The following FRAS1 variants were observed in gnomAD, a reference collection of about 807,000 sequenced individuals.
The protein encoded by FRAS1 is extracellular matrix organizing protein FRAS1.
Under a neutral mutation model 435.2 loss-of-function variants are expected in FRAS1, and 290 were observed. The observed-to-expected ratio is 0.67, with a 90% CI of 0.61 to 0.73. FRAS1 has a LOEUF of 0.73. FRAS1 is among the 30% of genes least tolerant of loss of function. The probability of loss-of-function intolerance (pLI) is 0.00; values close to 1 mark genes in which losing one functional copy is unlikely to be tolerated. For synonymous variants in FRAS1, 1,800 were observed against 1,851.0 expected, an observed-to-expected ratio of 0.97 and a Z score of 0.71; for missense variants, 4,860 against 5,001.5, an observed-to-expected ratio of 0.97 and a Z score of 0.85.
chr4:78,203,561 A>AT (rs925754692), intron 2 of FRAS1, among the ~76,000 whole-genome samples: 1 of 147,940 alleles, frequency 6.8e-6, no homozygotes, highest in Non-Finnish European at 1.5e-5. Context: ...ATTTTATTTT[A>AT]TTTTTTTATT....
In FRAS1 at chr4:78,487,914, C is replaced by T. The variant is rs147285483; in HGVS notation, c.8753-961C>T. ...GATGGAAATTCAGGTCTGTTTCCTCCTAAGTCCTTGTTTTTAACCATGATT... is the reference window on the plus strand; with the variant it reads ...GATGGAAATTCAGGTCTGTTTCCTCTTAAGTCCTTGTTTTTAACCATGATT... On this transcript the variant is annotated intron_variant, in intron 58 of 73. Coordinates refer to ENST00000512123, the MANE Select transcript of FRAS1 (RefSeq NM_025074.7). 9.6e-3 allele frequency among the ~76,000 whole-genome samples: 1,469 copies of T among 152,298 alleles called. 10 individuals carry two copies. The highest frequency in any genetic ancestry group is 0.013 in the Non-Finnish European group (851 of 68,018).
intron 4 of FRAS1, among the ~76,000 whole-genome samples, chr4:78,249,836 T>G (rs1578206508): frequency 1.3e-5 from 2 of 152,278 alleles, no homozygotes; most frequent in Admixed American, 1.3e-4. Context: ...CTGGTCTCTG[T>G]CTGAAAGGTA....
chr4:78,080,449 A>G (rs1447936745), intron 2 of FRAS1, among the ~76,000 whole-genome samples: 1 of 152,038 alleles, frequency 6.6e-6, no homozygotes, highest in African/African-American at 2.4e-5. Context: ...ACTTAAAATC[A>G]TTTTTTTCTA....
intron 4 of FRAS1, among the ~76,000 whole-genome samples, chr4:78,250,259 G>A (rs1433775160): frequency 6.6e-6 from 1 of 152,118 alleles, no homozygotes; most frequent in East Asian, 1.9e-4. Context: ...TTCAGTTTTG[G>A]TGGAGGGGTT....
At chr4:78,445,438 A>T in intron 41 of FRAS1, 84 bp from the exon 42 acceptor site, 2 of 1,431,622 alleles carry the variant, frequency 1.4e-6, no homozygotes, top group Non-Finnish European at 1.8e-6. Flanking sequence ...TTTTTTGCCG[A>T]AAATGATACC....
chr4:78,400,864 T>TTACACAAGAC lies in FRAS1; in HGVS notation c.4110_4119dup (p.Pro1374ThrfsTer23), dbSNP rs1732862259. ...AGTGCTGAAGAAATCATCTACAAGA[T>TTACACAAGAC]TACACAAGACTACCCCCAGTTTGGT... On this transcript the variant is annotated frameshift_variant, in exon 30 of 74. Transcript: ENST00000512123. LOFTEE classifies it high-confidence loss of function. The TTACACAAGAC allele has an allele frequency of 6.2e-7, 1 of 1,613,694 alleles. No homozygotes were observed. Among genetic ancestry groups the TTACACAAGAC allele is most frequent in the East Asian group, 2.2e-5 (1 of 44,868 alleles).
rs141228895 is a variant in FRAS1, at chr4:78,137,711, G to GGT, written c.108+71707_108+71708dup. Among the ~76,000 whole-genome samples, 539 of 151,944 alleles carry GGT rather than the reference G, an allele frequency of 3.5e-3. 6 individuals carry two copies. Among genetic ancestry groups the GGT allele is most frequent in the African/African-American group, 0.013 (523 of 41,454 alleles). ...AGATGAATTTGAGCATCTGAATTTG[G>GGT]GTGTGTGTGTGTGGCAATGTGAGTC... On this transcript the variant is annotated intron_variant, in intron 2 of 73. Coordinates refer to ENST00000512123, the MANE Select transcript of FRAS1 (RefSeq NM_025074.7).
intron 2 of FRAS1, among the ~76,000 whole-genome samples, chr4:78,164,709 T>C (rs989333314): frequency 1.1e-4 from 17 of 152,192 alleles, no homozygotes; most frequent in African/African-American, 4.1e-4. Flanking sequence ...TTAGTTAATA[T>C]CTTTTTCCTT....
chr4:78,363,973 A>G lies in FRAS1; in HGVS notation c.2641A>G (p.Asn881Asp), dbSNP rs1300209785. The G allele has an allele frequency of 6.2e-7, 1 of 1,612,856 alleles. No individual in the cohort carries two copies. The highest frequency in any genetic ancestry group is 1.1e-5 in the South Asian group (1 of 90,674). Residue 881 changes from asparagine to aspartate, a missense_variant, in exon 22 of 74, where the codon AAC (asparagine) becomes GAC (aspartate). Transcript: ENST00000512123. Reference sequence around the variant, plus strand: ...TTTCTCCTGCTCCTCATGTGACACCAACCTCGTGCTGTCCCACACTGGCAC... The same window carrying G: ...TTTCTCCTGCTCCTCATGTGACACCGACCTCGTGCTGTCCCACACTGGCAC... ...GPFSCSSCDTNLVLSHTGTCS... is the reference protein window; with the variant it reads ...GPFSCSSCDTDLVLSHTGTCS...
chr4:78,059,212 G>C (rs961220366), intron 1 of FRAS1, among the ~76,000 whole-genome samples: 2 of 152,112 alleles, frequency 1.3e-5, no homozygotes, highest in Non-Finnish European at 2.9e-5. Context: ...CGCAGGACTG[G>C]GGGCTGCGGG....
intron 2 of FRAS1, among the ~76,000 whole-genome samples, chr4:78,152,496 G>T (rs6848061): frequency 0.12 from 18,658 of 151,804 alleles, 1,249 homozygotes; most frequent in Admixed American, 0.16. Flanking sequence ...CCTAATTGCT[G>T]CATCAAGTTG....
chr4:78,409,345 C>A (rs892435130), intron 31 of FRAS1, among the ~76,000 whole-genome samples: 2 of 151,898 alleles, frequency 1.3e-5, no homozygotes, highest in Non-Finnish European at 1.5e-5. Context: ...GAGGAAATAA[C>A]CTATCAAAAC....
Position 78,419,006 on chromosome 4 carries a change from G to GAGA in FRAS1, c.4486_4488dup (p.Lys1496dup), listed in dbSNP as rs750516378. 6.2e-7 allele frequency: 1 copy of GAGA among 1,602,762 alleles called. No homozygotes were observed. The highest frequency in any genetic ancestry group is 1.3e-5 in the African/African-American group (1 of 74,252). ...TCATTCCCTCTCCTTCATAAACTCTGAGAAGCCAAGTGGAAAGATTGTCTA... is the reference window on the plus strand; with the variant it reads ...TCATTCCCTCTCCTTCATAAACTCTGAGAAGAAGCCAAGTGGAAAGATTGTCTA... On this transcript the variant is annotated inframe_insertion, in exon 33 of 74. Coordinates refer to ENST00000512123, the MANE Select transcript of FRAS1 (RefSeq NM_025074.7).
chr4:78,390,139 G>A (rs575477435), intron 29 of FRAS1, among the ~76,000 whole-genome samples: 13 of 152,098 alleles, frequency 8.5e-5, no homozygotes, highest in Non-Finnish European at 1.6e-4. Flanking sequence ...TTCCTCTTAG[G>A]AATTCAAAAT....
chr4:78,134,981 C>T (rs577614191), intron 2 of FRAS1, among the ~76,000 whole-genome samples: 17 of 151,760 alleles, frequency 1.1e-4, no homozygotes, highest in South Asian at 2.1e-4. Context: ...TTTTAAAATC[C>T]GAATCCTGAC....
chr4:78,267,678 G>A (rs56180852), intron 9 of FRAS1, among the ~76,000 whole-genome samples: 2,174 of 152,304 alleles, frequency 0.014, 58 homozygotes, highest in African/African-American at 0.048. Flanking sequence ...TGGAAGCCCC[G>A]AGCCAGAGAC....
chr4:78,080,699 A>T (rs1166907254), intron 2 of FRAS1, among the ~76,000 whole-genome samples: 1 of 152,244 alleles, frequency 6.6e-6, no homozygotes, highest in African/African-American at 2.4e-5. Context: ...CTGTAGGTGC[A>T]TATTAAGATG....
intron 5 of FRAS1, among the ~76,000 whole-genome samples, chr4:78,253,581 G>A (rs74918334): frequency 0.01 from 1,566 of 152,180 alleles, 23 homozygotes; most frequent in African/African-American, 0.035. Flanking sequence ...AACACATGGC[G>A]ACACCCCAAC....
In FRAS1 at chr4:78,162,445, G is replaced by A. The variant is rs187160476; in HGVS notation, c.109-75065G>A. Among the ~76,000 whole-genome samples, 173 of 152,262 alleles carry A rather than the reference G, an allele frequency of 1.1e-3. 1 individual carries two copies. The highest frequency in any genetic ancestry group is 4.0e-3 in the African/African-American group (166 of 41,574). On this transcript the variant is annotated intron_variant, in intron 2 of 73. Transcript: ENST00000512123. ...GAAATTGCTGTTTTCTTGCACTGCA[G>A]GACTCCCACATTGCTGAGCAACCAC...
Sources: allele counts gnomAD v4.1 joint callset (sites outside exome capture counted in the v4.1 genomes callset), GRCh38; gene constraint gnomAD v4.1.1; transcripts MANE v1.5; gene names NCBI Gene and HGNC (gene_info 2026-07-23, HGNC 2026-07-21).